The following PRKCSH variants were observed in gnomAD, a reference collection of about 807,000 sequenced individuals.
PRKCSH encodes PRKCSH beta subunit of glucosidase II, also known as glucosidase 2 subunit beta.
PRKCSH carries 42 observed loss-of-function variants against 79.7 expected under a neutral mutation model. The observed-to-expected ratio is 0.53, with a 90% confidence interval of 0.41 to 0.68. The LOEUF (loss-of-function observed/expected upper bound fraction) is 0.68. PRKCSH is among the 30% of genes least tolerant of loss of function. The probability of loss-of-function intolerance (pLI) is 0.00; values close to 1 mark genes in which losing one functional copy is unlikely to be tolerated. For missense variants in PRKCSH, 686 were observed against 709.0 expected, an observed-to-expected ratio of 0.97 and a Z score of 0.37; for synonymous variants, 325 against 288.2, an observed-to-expected ratio of 1.13 and a Z score of -1.29.
chr19:11,437,471 C>T (rs569654315), intron 3 of PRKCSH, among the ~76,000 whole-genome samples: 1 of 152,284 alleles, frequency 6.6e-6, no homozygotes, highest in African/African-American at 2.4e-5. Flanking sequence ...CCTGCCTCAG[C>T]CTCCTGAGTA....
chr19:11,436,600 C>T lies in PRKCSH; in HGVS notation c.196+95C>T, dbSNP rs537755345. The T allele has an allele frequency of 2.0e-4, 216 of 1,056,090 alleles. 4 individuals are homozygous for T. In the South Asian group the frequency reaches 2.8e-3, roughly 13 times the overall value. The allele number at this position is 1,056,090 out of a possible 1,614,324, so 65.4% of individuals were successfully genotyped here. A position where few individuals can be genotyped will look rare whatever the true frequency, so the allele number is the denominator to read the frequency against. Reference sequence around the variant, plus strand: ...GACCAAGATACTACCTCTGCTGGCTCCCCTTTGAGTGGGCAGAAACAAGCT... The same window carrying T: ...GACCAAGATACTACCTCTGCTGGCTTCCCTTTGAGTGGGCAGAAACAAGCT... On this transcript the variant is annotated intron_variant, in intron 3 of 17. Coordinates refer to ENST00000677123, the MANE Select transcript of PRKCSH (RefSeq NM_001289104.2).
At position 11,435,730 on chromosome 19, in the gene PRKCSH, A is replaced by G. The variant is rs768502893; in HGVS notation, c.-78+24A>G. On this transcript the variant is annotated intron_variant, in intron 1 of 17. Transcript: ENST00000677123. The stretch of plus-strand genomic sequence containing the variant: ...GTGTAGGTGTGAACGAGCGGGTGGG[A>G]GGGCACCTCAGTTTCTTACAGGGGG... The G allele has an allele frequency of 1.2e-5, 16 of 1,340,472 alleles. No individual in the cohort carries two copies. In the South Asian group the frequency reaches 1.8e-4, roughly 15 times the overall value. The allele number at this position is 1,340,472 out of a possible 1,614,324, so 83.0% of individuals were successfully genotyped here.
chr19:11,441,588 G>A (rs2144823207), intron 6 of PRKCSH, among the ~76,000 whole-genome samples: 1 of 152,276 alleles, frequency 6.6e-6, no homozygotes, highest in East Asian at 1.9e-4. Context: ...TCGGGCATCA[G>A]ACTAAAGCAG....
chr19:11,447,143 G>A lies in PRKCSH; in HGVS notation c.832G>A (p.Asp278Asn). ...FYDRVWAAIR[D>N]KYRSEALPTD... ...CGACCGCGTCTGGGCCGCCATCAGG[G>A]ACAAGTACCGGTCCGAGGTCAGTGG... Residue 278 changes from aspartate (D) to asparagine (N), a missense_variant, in exon 10 of 18, where the codon GAC (aspartate) becomes AAC (asparagine). Physicochemically the swap from Asp to Asn is conservative, Grantham distance 23. Coordinates refer to ENST00000677123, the MANE Select transcript of PRKCSH (RefSeq NM_001289104.2). This position sits in a 1 kb window ranked among gnomAD's most constrained non-coding sequence, Gnocchi z 5.6. 1 of 1,613,972 alleles carries A rather than the reference G, an allele frequency of 6.2e-7. No individual in the cohort carries two copies. The highest frequency in any genetic ancestry group is 8.5e-7 in the Non-Finnish European group (1 of 1,179,876).
intron 7 of PRKCSH, among the ~76,000 whole-genome samples, chr19:11,443,313 T>TGAGGCA (rs1399021616): frequency 2.0e-5 from 3 of 151,926 alleles, no homozygotes; most frequent in Non-Finnish European, 4.4e-5. Flanking sequence ...TTTGGGAGGC[T>TGAGGCA]GAGGCAGGCA....
Position 11,449,148 on chromosome 19 carries a change from C to T in PRKCSH, c.1434C>T (p.Cys478=), listed in dbSNP as rs750305693. ...TGAAGTATGAGCAAGGCACGGGCTG[C>T]TGGCAGGGCCCCAACCGCTCCACCA... ...SAMKYEQGTG[C]WQGPNRSTTV... The change falls in exon 16 of 18, where the codon TGC becomes TGT. Residue 478 remains cysteine (C), a synonymous_variant. Transcript: ENST00000677123. The surrounding 1 kb of genome is among the most constrained non-coding windows in gnomAD (Gnocchi z 6.4). 1.2e-6 allele frequency: 2 copies of T among 1,613,798 alleles called. No homozygotes were observed. Among genetic ancestry groups the T allele is most frequent in the East Asian group, 4.5e-5 (2 of 44,890 alleles).
chr19:11,449,461 C>G lies in PRKCSH; in HGVS notation c.*16+33C>G. The G allele has an allele frequency of 6.2e-7, 1 of 1,612,066 alleles. No homozygotes were observed. Among genetic ancestry groups the G allele is most frequent in the Non-Finnish European group, 8.5e-7 (1 of 1,179,530 alleles). ...GGGAGGTGGAGTCTCGTCGGCCTGC[C>G]CCAGCAAGGGGAGGCGGCGGGCCCT... On this transcript the variant is annotated intron_variant, in intron 17 of 17. Transcript: ENST00000677123. This position sits in a 1 kb window ranked among gnomAD's most constrained non-coding sequence, Gnocchi z 6.4.
rs1969876325 is a variant in PRKCSH, at chr19:11,438,233, G to C, written c.350+109G>C. 8.9e-6 allele frequency: 11 copies of C among 1,235,488 alleles called. No individual in the cohort carries two copies. In the East Asian group the frequency reaches 2.0e-4, roughly 22 times the overall value. 76.5% of individuals were successfully genotyped at this position (1,235,488 alleles called of 1,614,324 possible). ...TCTGCTTTTCTGTATCGGGTTCTCT[G>C]TCTGTGCCAGGTGCCTTGTGAATCC... On this transcript the variant is annotated intron_variant, in intron 5 of 17. Coordinates refer to ENST00000677123, the MANE Select transcript of PRKCSH (RefSeq NM_001289104.2).
Position 11,447,473 on chromosome 19 carries a change from C to T in PRKCSH, c.884C>T (p.Pro295Leu). The change falls in exon 11 of 18, where the codon CCT becomes CTT. Residue 295 changes from proline to leucine, a missense_variant. Physicochemically the swap from Pro to Leu is moderately conservative, Grantham distance 98 (BLOSUM62 -3). Coordinates refer to ENST00000677123, the MANE Select transcript of PRKCSH (RefSeq NM_001289104.2). This position sits in a 1 kb window ranked among gnomAD's most constrained non-coding sequence, Gnocchi z 5.6. ...LPTDLPAPSA[P>L]DLTEPKEEQP... is the part of the protein sequence containing the mutation. The stretch of plus-strand genomic sequence containing the variant: ...ACCGACCTTCCAGCACCTTCTGCCC[C>T]TGACTTGACGGAGCCCAAGGAGGAG... The T allele has an allele frequency of 6.2e-7, 1 of 1,614,050 alleles. No individual in the cohort carries two copies.
intron 9 of PRKCSH, 148 bp downstream of exon 9, chr19:11,446,498 T>C (rs1970306948): frequency 1.0e-6 from 1 of 961,634 alleles, no homozygotes; most frequent in Non-Finnish European, 1.6e-6. Flanking sequence ...TCAGGGCCGC[T>C]TCCCGCCTGG....
Position 11,448,092 on chromosome 19 carries a change from G to C in PRKCSH, c.1127-130G>C. 1 of 1,035,944 alleles carries C rather than the reference G, an allele frequency of 9.7e-7. No homozygotes were observed. Among genetic ancestry groups the C allele is most frequent in the Non-Finnish European group, 1.5e-6 (1 of 680,878 alleles). 64.2% of individuals were successfully genotyped at this position (1,035,944 alleles called of 1,614,324 possible). The stretch of plus-strand genomic sequence containing the variant: ...CTCTATAGCTGGTGAGGCCCTCAAG[G>C]CTGTCGGGGTGAAGTCCTTGGCCAG... On this transcript the variant is annotated intron_variant, in intron 12 of 17. Coordinates refer to ENST00000677123, the MANE Select transcript of PRKCSH (RefSeq NM_001289104.2). This position sits in a 1 kb window ranked among gnomAD's most constrained non-coding sequence, Gnocchi z 4.4.
intron 5 of PRKCSH, among the ~76,000 whole-genome samples, chr19:11,439,934 A>T (rs1969977708): frequency 6.6e-6 from 1 of 151,458 alleles, no homozygotes; most frequent in African/African-American, 2.4e-5. Flanking sequence ...TTTGTTAAAA[A>T]ATTAGCCGGG....
intron 5 of PRKCSH, chr19:11,440,970 C>G: frequency 2.3e-6 from 1 of 434,290 alleles, no homozygotes; most frequent in East Asian, 4.8e-5. Context: ...CAGCTGATCT[C>G]CTGTCTCTTG....
chr19:11,440,338 G>C (rs1160337522), intron 5 of PRKCSH, among the ~76,000 whole-genome samples: 7 of 151,444 alleles, frequency 4.6e-5, no homozygotes, highest in Non-Finnish European at 1.0e-4. Context: ...ATTTTTAGTA[G>C]AGATGGGGTT....
intron 5 of PRKCSH, among the ~76,000 whole-genome samples, chr19:11,439,027 C>T (rs1341934908): frequency 6.6e-6 from 1 of 152,020 alleles, no homozygotes; most frequent in Non-Finnish European, 1.5e-5. Flanking sequence ...CACACCTCAG[C>T]CTCCCAAGTA....
Position 11,448,819 on chromosome 19 carries a change from C to T in PRKCSH, c.1287-95C>T. On this transcript the variant is annotated intron_variant, in intron 14 of 17. Transcript: ENST00000677123. The surrounding 1 kb of genome is among the most constrained non-coding windows in gnomAD (Gnocchi z 4.4). ...GTTGGTCATTGGAGTTGGAGGTACCCTGTGTGTGGGGACTGGAGGAGGCGG... is the reference window on the plus strand; with the variant it reads ...GTTGGTCATTGGAGTTGGAGGTACCTTGTGTGTGGGGACTGGAGGAGGCGG... 1.3e-6 allele frequency: 2 copies of T among 1,490,956 alleles called. No individual in the cohort carries two copies. The highest frequency in any genetic ancestry group is 1.9e-6 in the Non-Finnish European group (2 of 1,069,484). 92.4% of individuals were successfully genotyped at this position (1,490,956 alleles called of 1,614,324 possible). A position where few individuals can be genotyped will look rare whatever the true frequency, so the allele number is the denominator to read the frequency against.
rs551941724 is a variant in PRKCSH, at chr19:11,449,594, G to A, written c.*16+166G>A. 7.4e-4 allele frequency: 663 copies of A among 894,302 alleles called. 1 individual carries two copies. Among genetic ancestry groups the A allele is most frequent in the Middle Eastern group, 1.0e-3 (3 of 2,896 alleles). The allele number at this position is 894,302 out of a possible 1,614,324, so 55.4% of individuals were successfully genotyped here. A position where few individuals can be genotyped will look rare whatever the true frequency, so the allele number is the denominator to read the frequency against. On this transcript the variant is annotated intron_variant, in intron 17 of 17. Coordinates refer to ENST00000677123, the MANE Select transcript of PRKCSH (RefSeq NM_001289104.2). The surrounding 1 kb of genome is among the most constrained non-coding windows in gnomAD (Gnocchi z 6.4). ...GTCTCACTCTTTGGCCCAGGCTGGA[G>A]TGCAGTGATGCGACCTCAGCTGACT...
In PRKCSH at chr19:11,436,433, G is replaced by A. The variant is rs1320122994; in HGVS notation, c.124G>A (p.Gly42Ser). The A allele has an allele frequency of 1.9e-5, 30 of 1,614,060 alleles. No homozygotes were observed. The highest frequency in any genetic ancestry group is 2.4e-5 in the Non-Finnish European group (28 of 1,180,048). The stretch of plus-strand genomic sequence containing the variant: ...GTCCAAGCCTTTCACCTGCCTGGAC[G>A]GTTCGGCCACCATCCCATTTGATCA... ...DESKPFTCLD[G>S]SATIPFDQVN... The change falls in exon 3 of 18, where the codon GGT (glycine) becomes AGT (serine). Residue 42 changes from glycine to serine, a missense_variant. Gly to Ser is a moderately conservative substitution (Grantham distance 56, BLOSUM62 0). Around this residue, in one of 2 missense-constraint regions of PRKCSH, gnomAD observed 549 missense variants for 520.2 expected, o/e 1.06. Transcript: ENST00000677123.
chr19:11,444,508 G>A (rs2144833866), intron 7 of PRKCSH, among the ~76,000 whole-genome samples: 1 of 152,268 alleles, frequency 6.6e-6, no homozygotes, highest in Admixed American at 6.5e-5. Context: ...GGGACATGCG[G>A]GATGTCCTGG....
Sources: gnomAD v4.1 joint callset for allele counts (sites outside exome capture counted in the v4.1 genomes callset) on GRCh38, gnomAD v4.1.1 for gene constraint, gnomAD v4.1.1 regional missense constraint, Gnocchi (gnomAD v3.1) non-coding constraint, MANE v1.5 for transcripts, NCBI Gene and HGNC (gene_info 2026-07-23, HGNC 2026-07-21) for gene names.